KRT79: variants seen among roughly 807,000 people sequenced by gnomAD.
The protein encoded by KRT79 is keratin 79.
Under a neutral mutation model 49.0 loss-of-function variants are expected in KRT79, and 51 were observed. The ratio of observed to expected loss-of-function variants is 1.04; its 90% CI spans 0.83 to 1.31. The LOEUF (loss-of-function observed/expected upper bound fraction) is 1.31. Ranked by LOEUF, KRT79 falls within the 40% of genes most tolerant of loss-of-function variation. The pLI is 0.00. For synonymous variants in KRT79, 312 were observed against 286.6 expected, an observed-to-expected ratio of 1.09 and a Z score of -0.90; for missense variants, 728 against 688.0, an observed-to-expected ratio of 1.06 and a Z score of -0.65.
chr12:52,823,720 T>C (rs1443856484), intron 6 of KRT79, among the ~76,000 whole-genome samples, 167 bp downstream of exon 6: 1 of 152,190 alleles, frequency 6.6e-6, no homozygotes, highest in Non-Finnish European at 1.5e-5. Flanking sequence ...ACAAGCTCCT[T>C]CCTGCTCTGT....
chr12:52,833,633 G>A (rs1014872699), intron 1 of KRT79, 151 bp downstream of exon 1: 16 of 725,584 alleles, frequency 2.2e-5, no homozygotes, highest in Non-Finnish European at 2.9e-5. Flanking sequence ...CCCACGTCTC[G>A]GCATCCCAGG....
chr12:52,833,668 T>G lies in KRT79; in HGVS notation c.477+116A>C, dbSNP rs530513704. The G allele has an allele frequency of 1.4e-4, 120 of 859,562 alleles. 3 individuals are homozygous for G. In the South Asian group the frequency reaches 1.6e-3, roughly 12 times the overall value. The allele number at this position is 859,562 out of a possible 1,614,324, so 53.2% of individuals were successfully genotyped here. ...GCTCAGACCGGGAGAGCTCCAGAGCTCTATCAACCACCACCCTAGTACAAG... is the reference window on the plus strand; with the variant it reads ...GCTCAGACCGGGAGAGCTCCAGAGCGCTATCAACCACCACCCTAGTACAAG... On this transcript the variant is annotated intron_variant, in intron 1 of 8. Transcript: ENST00000330553.
chr12:52,830,080 A>C lies in KRT79; in HGVS notation c.798T>G (p.His266Gln), dbSNP rs747377730. ...DAAYMGRMDL[H>Q]GKVGTLTQEI... ...CCTGGGTCAAGGTGCCCACTTTGCC[A>C]TGCAGATCCATCCGGCCCATGTATG... Residue 266 changes from histidine to glutamine, a missense_variant, in exon 4 of 9, where the codon CAT (histidine) becomes CAG (glutamine). Coordinates refer to ENST00000330553, the MANE Select transcript of KRT79 (RefSeq NM_175834.3). 11 of 1,614,036 alleles carry C rather than the reference A, an allele frequency of 6.8e-6. No individual in the cohort carries two copies. In the East Asian group the frequency reaches 2.2e-4, roughly 33 times the overall value.
chr12:52,825,474 G>C (rs1940163709), intron 4 of KRT79, among the ~76,000 whole-genome samples: 1 of 152,182 alleles, frequency 6.6e-6, no homozygotes, highest in Non-Finnish European at 1.5e-5. Flanking sequence ...GTAGCACAAA[G>C]AGATTAAGTA....
In KRT79 at chr12:52,825,704, G is replaced by A. The variant is rs138017014; in HGVS notation, c.856-1342C>T. Among the ~76,000 whole-genome samples, 5 of 152,344 alleles carry A rather than the reference G, an allele frequency of 3.3e-5. No homozygotes were observed. The East Asian group carries it at 9.6e-4, about 29-fold the overall frequency. ...TTCAAAAAGTGGGATGAGGAGTTTA[G>A]AGATGCAATCAATCTAGTCACTACA... On this transcript the variant is annotated intron_variant, in intron 4 of 8. Coordinates refer to ENST00000330553, the MANE Select transcript of KRT79 (RefSeq NM_175834.3).
At chr12:52,825,013 C>T (rs959341764) in intron 4 of KRT79, among the ~76,000 whole-genome samples, 179 of 152,286 alleles carry the variant, frequency 1.2e-3, no homozygotes, top group South Asian at 8.3e-4. Context: ...TTTCTAGAAC[C>T]ATCGTCCTTC....
In KRT79 at chr12:52,821,971, T is replaced by G; in HGVS notation, c.1509A>C (p.Thr503=). 2 of 1,614,194 alleles carry G rather than the reference T, an allele frequency of 1.2e-6. No homozygotes were observed. The highest frequency in any genetic ancestry group is 2.2e-5 in the East Asian group (1 of 44,860). The change falls in exon 9 of 9, where the codon ACA becomes ACC. Residue 503 remains threonine (T), a synonymous_variant. Coordinates refer to ENST00000330553, the MANE Select transcript of KRT79 (RefSeq NM_175834.3). The part of the protein sequence containing the change: ...SGGATKGGFS[T]NVGYSTVKGG... ...CCTTGACGGTGCTATAGCCCACATT[T>G]GTGCTGAATCCACCCTTGGTGGCCC...
intron 4 of KRT79, among the ~76,000 whole-genome samples, chr12:52,828,278 A>G (rs1460034036): frequency 2.0e-5 from 3 of 152,350 alleles, no homozygotes; most frequent in Non-Finnish European, 2.9e-5. Context: ...TCCTGGTAAC[A>G]GTACTGTTAA....
intron 4 of KRT79, among the ~76,000 whole-genome samples, chr12:52,829,629 G>A (rs545609630): frequency 3.9e-5 from 6 of 152,282 alleles, no homozygotes; most frequent in East Asian, 3.9e-4. Flanking sequence ...GGCTGGGTGC[G>A]GTGGCTCACG....
At position 52,831,606 on chromosome 12, in the gene KRT79, C is replaced by T; in HGVS notation, c.498G>A (p.Gln166=). The T allele has an allele frequency of 6.2e-7, 1 of 1,614,172 alleles. No individual in the cohort carries two copies. The highest frequency in any genetic ancestry group is 8.5e-7 in the Non-Finnish European group (1 of 1,180,004). ...CCCACTTGGTCTCCAGCACCTTATT[C>T]TGTTGCTCCAGGAACCGCACCTGAG... ...FIDKVRFLEQ[Q]NKVLETKWAL... is the part of the protein sequence containing the mutation. Residue 166 remains glutamine, a synonymous_variant, in exon 2 of 9, where the codon CAG becomes CAA. Coordinates refer to ENST00000330553, the MANE Select transcript of KRT79 (RefSeq NM_175834.3).
In KRT79 at chr12:52,821,612, T is replaced by TCGCCGTATCACTA; in HGVS notation, c.*259_*260insTAGTGATACGGCG. On this transcript the variant is annotated 3_prime_UTR_variant, in exon 9 of 9. Transcript: ENST00000330553. ...GAGAAATTCAGCCTCCTCTCGGTGG[T>TCGCCGTATCACTA]CAAAAGGTCACCCCCAAGTCACCCA... 1 of 519,264 alleles carries TCGCCGTATCACTA rather than the reference T, an allele frequency of 1.9e-6. No individual in the cohort carries two copies. Among genetic ancestry groups the TCGCCGTATCACTA allele is most frequent in the Non-Finnish European group, 3.5e-6 (1 of 287,296 alleles). 32.2% of individuals were successfully genotyped at this position (519,264 alleles called of 1,614,324 possible).
In KRT79 at chr12:52,824,272, C is replaced by T. The variant is rs376128731; in HGVS notation, c.946G>A (p.Ala316Thr). ...NRNLDLDSII[A>T]EVKAQYELIA... The stretch of plus-strand genomic sequence containing the variant: ...AGCTCATACTGGGCCTTGACCTCGG[C>T]GATGATGCTGTCCAGGTCCAGGTTG... The change falls in exon 5 of 9, where the codon GCC becomes ACC. Residue 316 changes from alanine (A) to threonine (T), a missense_variant. Ala to Thr is a moderately conservative substitution (Grantham distance 58). Coordinates refer to ENST00000330553, the MANE Select transcript of KRT79 (RefSeq NM_175834.3). 2.5e-6 allele frequency: 4 copies of T among 1,614,118 alleles called. No homozygotes were observed. Among genetic ancestry groups the T allele is most frequent in the East Asian group, 2.2e-5 (1 of 44,896 alleles).
chr12:52,825,194 T>C (rs970817665), intron 4 of KRT79, among the ~76,000 whole-genome samples: 4 of 152,072 alleles, frequency 2.6e-5, no homozygotes, highest in African/African-American at 9.7e-5. Context: ...GGGCTGCCCA[T>C]AGAATGCCCT....
At chr12:52,827,893 C>T (rs898950079) in intron 4 of KRT79, among the ~76,000 whole-genome samples, 3 of 152,272 alleles carry the variant, frequency 2.0e-5, no homozygotes, top group South Asian at 4.1e-4. Flanking sequence ...TTGGAGATCA[C>T]AGGGATCCAG....
chr12:52,833,033 C>T (rs78135350), intron 1 of KRT79, among the ~76,000 whole-genome samples: 2 of 152,154 alleles, frequency 1.3e-5, no homozygotes, highest in Non-Finnish European at 2.9e-5. Context: ...GGCTCAGGAT[C>T]GAGGTGGACA....
chr12:52,823,275 G>A (rs1214562755), intron 6 of KRT79, 39 bp from the exon 7 acceptor site: 1 of 1,533,590 alleles, frequency 6.5e-7, no homozygotes, highest in Non-Finnish European at 9.0e-7. Context: ...ACCCTCCGGG[G>A]TCATCCCATT....
rs1940089625 is a variant in KRT79 at position 52,821,688 on chromosome 12, G to T, written c.*184C>A. ...TAACCTTCCCTCCCATCCTACTGCA[G>T]GACCAAGGAGAAAACCTGAGTAGAT... On this transcript the variant is annotated 3_prime_UTR_variant, in exon 9 of 9. Transcript: ENST00000330553. 2 of 621,414 alleles carry T rather than the reference G, an allele frequency of 3.2e-6. No homozygotes were observed. Among genetic ancestry groups the T allele is most frequent in the Non-Finnish European group, 5.7e-6 (2 of 353,584 alleles). 38.5% of individuals were successfully genotyped at this position (621,414 alleles called of 1,614,324 possible). A position where few individuals can be genotyped will look rare whatever the true frequency, so the allele number is the denominator to read the frequency against.
At chr12:52,827,144 C>A (rs1940186657) in intron 4 of KRT79, among the ~76,000 whole-genome samples, 1 of 152,202 alleles carries the variant, frequency 6.6e-6, no homozygotes, top group Non-Finnish European at 1.5e-5. Context: ...TGCTCCTCCT[C>A]TAGAAGTCTA....
intron 6 of KRT79, 135 bp from the exon 7 acceptor site, chr12:52,823,371 C>A: frequency 1.3e-6 from 1 of 742,278 alleles, no homozygotes. Flanking sequence ...GAGAAATATT[C>A]ATCTGAAGAG....
Sources: allele counts gnomAD v4.1 joint callset (sites outside exome capture counted in the v4.1 genomes callset), GRCh38; gene constraint gnomAD v4.1.1; transcripts MANE v1.5; gene names NCBI Gene and HGNC (gene_info 2026-07-23, HGNC 2026-07-21).